Variants in DLGAP4 observed in about 807,000 individuals in gnomAD.
DLGAP4 encodes DLG associated protein 4.
In DLGAP4, 18 loss-of-function variants were observed where a neutral mutation model predicts 86.9. The observed-to-expected ratio is 0.21, with a 90% CI of 0.14 to 0.31. The LOEUF is 0.31. Among genes scored for constraint, DLGAP4 ranks in the 10% least tolerant of loss-of-function variants. The pLI is 1.00. For synonymous variants in DLGAP4, 548 were observed against 574.3 expected (o/e 0.95, Z 0.65); for missense variants, 1,085 against 1,362.6 (o/e 0.80, Z 3.21).
intron 10 of DLGAP4, among the ~76,000 whole-genome samples, chr20:36,502,258 A>G (rs1254960518): frequency 6.6e-6 from 1 of 152,180 alleles, no homozygotes; most frequent in Non-Finnish European, 1.5e-5. Flanking sequence ...GTATATTATT[A>G]TTGCGTTTTC....
At chr20:36,442,523 G>A (rs919998281) in intron 5 of DLGAP4, among the ~76,000 whole-genome samples, 5 of 152,166 alleles carry the variant, frequency 3.3e-5, no homozygotes, top group Admixed American at 2.0e-4. Context: ...CAGATTATAA[G>A]TCCTCAGTAA....
At chr20:36,361,997 AAAGAT>A (rs1365720504) in intron 1 of DLGAP4, among the ~76,000 whole-genome samples, 6 of 150,826 alleles carry the variant, frequency 4.0e-5, no homozygotes, top group African/African-American at 1.2e-4. Context: ...AAAAAAAAAA[AAAGAT>A]AGGACATTGC....
chr20:36,325,853 G>A (rs1161306546), intron 1 of DLGAP4, among the ~76,000 whole-genome samples: 1 of 151,956 alleles, frequency 6.6e-6, no homozygotes, highest in African/African-American at 2.4e-5. Flanking sequence ...GAGTAGCTGG[G>A]ATTATAGGCA....
intron 6 of DLGAP4, among the ~76,000 whole-genome samples, chr20:36,445,390 G>C (rs2033563733): frequency 6.6e-6 from 1 of 152,178 alleles, no homozygotes; most frequent in African/African-American, 2.4e-5. Flanking sequence ...TATAGTCCCA[G>C]CTACTCAGGA....
At chr20:36,385,237 A>T (rs1304557647) in intron 2 of DLGAP4, among the ~76,000 whole-genome samples, 5 of 152,108 alleles carry the variant, frequency 3.3e-5, no homozygotes, top group Non-Finnish European at 7.4e-5. Flanking sequence ...CAAGATTCAA[A>T]TCCTGGATCT....
At chr20:36,499,127 C>G in intron 8 of DLGAP4, 2 of 1,086,324 alleles carry the variant, frequency 1.8e-6, no homozygotes, top group Non-Finnish European at 2.7e-6. Context: ...ATCTTTGCCT[C>G]AAGACAGCCG....
At chr20:36,405,953 A>T (rs1386560777) in intron 2 of DLGAP4, among the ~76,000 whole-genome samples, 1 of 152,084 alleles carries the variant, frequency 6.6e-6, no homozygotes, top group Non-Finnish European at 1.5e-5. Flanking sequence ...GCAGTGACCC[A>T]AGGAAAGTAT....
intron 1 of DLGAP4, among the ~76,000 whole-genome samples, chr20:36,343,394 T>A (rs1047191620): frequency 3.9e-5 from 6 of 152,284 alleles, no homozygotes; most frequent in Admixed American, 6.5e-5. Context: ...GATCCCTTGA[T>A]GCCCCACACC....
rs573801205 is a variant in DLGAP4 at position 36,526,978 on chromosome 20, G to A, written c.2926G>A (p.Glu976Lys). 9 of 1,613,538 alleles carry A rather than the reference G, an allele frequency of 5.6e-6. 1 individual carries two copies. Among genetic ancestry groups the A allele is most frequent in the South Asian group, 2.2e-5 (2 of 91,046 alleles). Reference protein sequence around the residue: ...AASVRQNSATESADSIEIYVP... With the variant: ...AASVRQNSATKSADSIEIYVP... ...TTCTGTGCGGCAGAACTCAGCCACCGAGAGCGCAGACAGCATCGAGATTTA... is the reference window on the plus strand; with the variant it reads ...TTCTGTGCGGCAGAACTCAGCCACCAAGAGCGCAGACAGCATCGAGATTTA... The change falls in exon 13 of 13, where the codon GAG (glutamate) becomes AAG (lysine). Residue 976 changes from glutamate to lysine, a missense_variant. By Grantham distance (56) the Glu-to-Lys change is moderately conservative. Around this residue, in one of 2 missense-constraint regions of DLGAP4, gnomAD observed 1,082 missense variants for 1,344.1 expected, o/e 0.81. Transcript: ENST00000339266.
intron 2 of DLGAP4, among the ~76,000 whole-genome samples, chr20:36,381,706 C>T (rs371697669): frequency 6.6e-6 from 1 of 152,124 alleles, no homozygotes; most frequent in Non-Finnish European, 1.5e-5. Flanking sequence ...TTCCCTTCCC[C>T]GGGCTTCCAT....
At chr20:36,380,639 GA>G (rs2031351152) in intron 2 of DLGAP4, among the ~76,000 whole-genome samples, 1 of 93,878 alleles carries the variant, frequency 1.1e-5, no homozygotes, top group African/African-American at 5.0e-5. Flanking sequence ...GAGAGAGAGA[GA>G]GAGAGAGAGA....
chr20:36,439,368 G>C (rs1169288413), intron 4 of DLGAP4, among the ~76,000 whole-genome samples: 1 of 152,198 alleles, frequency 6.6e-6, no homozygotes, highest in Non-Finnish European at 1.5e-5. Context: ...TGAGGACTGG[G>C]GGATGCCCAG....
chr20:36,371,758 T>G (rs543747420), intron 2 of DLGAP4, among the ~76,000 whole-genome samples: 9 of 152,258 alleles, frequency 5.9e-5, no homozygotes, highest in Admixed American at 5.9e-4. Flanking sequence ...GGTTTTTGTT[T>G]TTTTTTTTAA....
At chr20:36,418,144 G>A (rs1171257075) in intron 2 of DLGAP4, among the ~76,000 whole-genome samples, 3 of 151,570 alleles carry the variant, frequency 2.0e-5, no homozygotes, top group East Asian at 1.9e-4. Flanking sequence ...AGGGAGTCTC[G>A]CTCTTGCCGT....
Position 36,317,223 on chromosome 20 carries a change from TTTTCTTTCTTTCTTTCTTTCTTTCTTTC to T in DLGAP4, c.-304+10738_-304+10765del, listed in dbSNP as rs1229773592. Among the ~76,000 whole-genome samples the T allele has an allele frequency of 2.7e-3, 253 of 93,776 alleles. 5 individuals carry two copies. The highest frequency in any genetic ancestry group is 3.0e-3 in the Non-Finnish European group (135 of 45,556). The allele number at this position is 93,776 out of a possible 152,430, so 61.5% of individuals were successfully genotyped here. A position where few individuals can be genotyped will look rare whatever the true frequency, so the allele number is the denominator to read the frequency against. The stretch of plus-strand genomic sequence containing the variant: ...CCCTCCTTCCTTCCTTCCTCTCCTT[TTTTCTTTCTTTCTTTCTTTCTTTCTTTC>T]TTTCTTTCTTTCTTTCTTTCTTTCT... On this transcript the variant is annotated intron_variant, in intron 1 of 12. Coordinates refer to ENST00000339266, the MANE Select transcript of DLGAP4 (RefSeq NM_001365621.2).
chr20:36,442,602 G>C, intron 5 of DLGAP4, 125 bp from the exon 6 acceptor site: 1 of 1,030,668 alleles, frequency 9.7e-7, no homozygotes, highest in South Asian at 1.4e-5. Flanking sequence ...TAGCAGCTGT[G>C]TCCCAGCCAG....
rs1600703493 is a variant in DLGAP4 at position 36,517,138 on chromosome 20, G to C, written c.2513-7112G>C. On this transcript the variant is annotated intron_variant, in intron 10 of 12. Coordinates refer to ENST00000339266, the MANE Select transcript of DLGAP4 (RefSeq NM_001365621.2). Reference sequence around the variant, plus strand: ...TCACGCCTGTAATCCCAGCACTTTCGGAGGCCGAGGTGGGCAGATCACTTG... The same window carrying C: ...TCACGCCTGTAATCCCAGCACTTTCCGAGGCCGAGGTGGGCAGATCACTTG... Among the ~76,000 whole-genome samples, 3 of 151,490 alleles carry C rather than the reference G, an allele frequency of 2.0e-5. No individual in the cohort carries two copies. In the South Asian group the frequency reaches 6.3e-4, roughly 32 times the overall value.
intron 2 of DLGAP4, among the ~76,000 whole-genome samples, chr20:36,429,241 G>T (rs959446028): frequency 4.0e-5 from 6 of 151,482 alleles, no homozygotes; most frequent in African/African-American, 1.5e-4. Flanking sequence ...ATCACACCCA[G>T]TAATTTTTGT....
intron 2 of DLGAP4, among the ~76,000 whole-genome samples, chr20:36,391,804 CCGTCTCCAATGCAACCAGTATCACATGAG>C (rs2031793228): frequency 6.6e-6 from 1 of 152,172 alleles, no homozygotes; most frequent in Non-Finnish European, 1.5e-5. Context: ...GGTGTTAATG[CCGTCTCCAATGCAACCAGTATCACATGAG>C]CAAGTGGGCA....
Sources: allele counts gnomAD v4.1 joint callset (sites outside exome capture counted in the v4.1 genomes callset), GRCh38; gene constraint gnomAD v4.1.1; regional missense constraint gnomAD v4.1.1; transcripts MANE v1.5; gene names NCBI Gene and HGNC (gene_info 2026-07-23, HGNC 2026-07-21).